Variants in GOLM2 observed in about 807,000 individuals in gnomAD.
GOLM2 encodes the protein golgi membrane protein 2, also known as protein GOLM2.
GOLM2 carries 26 observed loss-of-function variants against 55.9 expected under a neutral mutation model. The ratio of observed to expected loss-of-function variants is 0.47; its 90% CI spans 0.34 to 0.65. The LOEUF (loss-of-function observed/expected upper bound fraction) is 0.65. Ranked by LOEUF, GOLM2 falls within the 30% of genes least tolerant of loss-of-function variation. The pLI is 0.01. For synonymous variants in GOLM2, 165 were observed against 194.6 expected (o/e 0.85, Z 1.27); for missense variants, 486 against 531.8 (o/e 0.91, Z 0.85).
At chr15:44,409,103 C>G (rs2079617235) in intron 9 of GOLM2, among the ~76,000 whole-genome samples, 2 of 151,558 alleles carry the variant, frequency 1.3e-5, no homozygotes, top group African/African-American at 4.9e-5. Context: ...AGGTGAAACC[C>G]CATCTCTACT....
At chr15:44,338,171 C>G (rs2079069671) in intron 5 of GOLM2, 66 bp from the exon 6 acceptor site, 1 of 1,454,120 alleles carries the variant, frequency 6.9e-7, no homozygotes, top group Middle Eastern at 1.7e-4. Context: ...TTGTTACATT[C>G]CTTCAAAACA....
intron 6 of GOLM2, among the ~76,000 whole-genome samples, chr15:44,362,108 G>A (rs983109550): frequency 6.6e-6 from 1 of 150,798 alleles, no homozygotes; most frequent in Non-Finnish European, 1.5e-5. Flanking sequence ...GCAAAAACTG[G>A]AAGCATTCCC....
chr15:44,293,929 C>T (rs963785291), intron 1 of GOLM2, among the ~76,000 whole-genome samples: 2 of 152,130 alleles, frequency 1.3e-5, no homozygotes, highest in Non-Finnish European at 2.9e-5. Flanking sequence ...TGTCTCTTCT[C>T]CCTCATTTAT....
intron 6 of GOLM2, among the ~76,000 whole-genome samples, chr15:44,378,710 G>T (rs1010552190): frequency 2.0e-5 from 3 of 151,972 alleles, no homozygotes; most frequent in Admixed American, 6.6e-5. Flanking sequence ...ATATAAAAAG[G>T]TCTCACTGTT....
At chr15:44,294,356 T>C (rs953248510) in intron 1 of GOLM2, among the ~76,000 whole-genome samples, 1 of 152,006 alleles carries the variant, frequency 6.6e-6, no homozygotes, top group Non-Finnish European at 1.5e-5. Context: ...GGCTAGTGGA[T>C]TTCTTGAGGT....
Position 44,317,681 on chromosome 15 carries a change from G to A in GOLM2, c.328-5284G>A, listed in dbSNP as rs557799554. On this transcript the variant is annotated intron_variant, in intron 1 of 9. Transcript: ENST00000299957. ...GTGAATGGCTCTCTGGTCGTCGCCC[G>A]AGCTCCATATGTCCAACTGCCTACT... Among the ~76,000 whole-genome samples the A allele has an allele frequency of 1.7e-3, 253 of 152,092 alleles. 1 individual carries two copies. Among genetic ancestry groups the A allele is most frequent in the African/African-American group, 5.9e-3 (245 of 41,506 alleles).
chr15:44,325,179 T>C (rs2078973412), intron 2 of GOLM2, among the ~76,000 whole-genome samples: 1 of 152,206 alleles, frequency 6.6e-6, no homozygotes, highest in Non-Finnish European at 1.5e-5. Context: ...CTCTTTCTTC[T>C]TTGTTTTGCT....
chr15:44,375,297 G>C (rs1289381933), intron 6 of GOLM2, among the ~76,000 whole-genome samples: 2 of 152,114 alleles, frequency 1.3e-5, no homozygotes, highest in Admixed American at 6.5e-5. Context: ...GAGATTACAC[G>C]CATGAGCCAC....
chr15:44,393,582 A>G (rs1052130030), intron 8 of GOLM2, among the ~76,000 whole-genome samples: 2 of 152,174 alleles, frequency 1.3e-5, no homozygotes, highest in African/African-American at 2.4e-5. Flanking sequence ...GACTTCCACT[A>G]TCAGATATGA....
chr15:44,363,013 C>G (rs1005720492), intron 6 of GOLM2, among the ~76,000 whole-genome samples: 2 of 152,144 alleles, frequency 1.3e-5, no homozygotes, highest in Non-Finnish European at 2.9e-5. Context: ...AAGCTGGATC[C>G]CTTCCTTACA....
In GOLM2 at chr15:44,317,587, G is replaced by GT. The variant is rs200975244; in HGVS notation, c.328-5370dup. On this transcript the variant is annotated intron_variant, in intron 1 of 9. Coordinates refer to ENST00000299957, the MANE Select transcript of GOLM2 (RefSeq NM_138423.4). ...CAAATACTGTAGTTGTTGGTGTCAG[G>GT]TTTTTTTTGCTTCCCCTGTAGCTTT... Among the ~76,000 whole-genome samples, 664 of 151,824 alleles carry GT rather than the reference G, an allele frequency of 4.4e-3. 6 individuals carry two copies. Among genetic ancestry groups the GT allele is most frequent in the African/African-American group, 0.015 (639 of 41,372 alleles).
chr15:44,377,006 A>G (rs1379454758), intron 6 of GOLM2, among the ~76,000 whole-genome samples: 1 of 152,238 alleles, frequency 6.6e-6, no homozygotes, highest in African/African-American at 2.4e-5. Flanking sequence ...TTTACAGGAT[A>G]CACACTGCTT....
chr15:44,367,842 C>G (rs908396266), intron 6 of GOLM2, among the ~76,000 whole-genome samples: 1 of 149,134 alleles, frequency 6.7e-6, no homozygotes, highest in African/African-American at 2.4e-5. Flanking sequence ...TTCATTGTTT[C>G]TAAGTCAGCC....
Position 44,289,356 on chromosome 15 carries a change from G to C in GOLM2, c.327G>C (p.Lys109Asn). 1 of 1,609,666 alleles carries C rather than the reference G, an allele frequency of 6.2e-7. No individual in the cohort carries two copies. The change falls in exon 1 of 10, where the codon AAG becomes AAC. Residue 109 changes from lysine to asparagine, a missense_variant and splice_region_variant. Lys to Asn is a moderately conservative substitution (Grantham distance 94). Transcript: ENST00000299957. This position sits in a 1 kb window ranked among gnomAD's most constrained non-coding sequence, Gnocchi z 4.8. ...TCGGGAAGAGATGCGAGGATGACAA[G>C]GTAAGGACGACCCTTTTCTCTTCAA... Reference protein sequence around the residue: ...EGLGKRCEDDKVKLQNNISYQ... With the variant: ...EGLGKRCEDDNVKLQNNISYQ...
At chr15:44,392,761 T>G (rs1288500077) in intron 8 of GOLM2, among the ~76,000 whole-genome samples, 1 of 152,184 alleles carries the variant, frequency 6.6e-6, no homozygotes, top group Non-Finnish European at 1.5e-5. Context: ...TCTATGTAAT[T>G]TACCACATTA....
intron 6 of GOLM2, 52 bp from the exon 7 acceptor site, chr15:44,379,638 T>TTA: frequency 5.6e-6 from 4 of 710,018 alleles, no homozygotes; most frequent in South Asian, 1.9e-5. Context: ...TTTTTTTTTT[T>TTA]AGAAATCATA....
At chr15:44,363,503 C>G (rs1000325430) in intron 6 of GOLM2, among the ~76,000 whole-genome samples, 1 of 152,224 alleles carries the variant, frequency 6.6e-6, no homozygotes, top group Non-Finnish European at 1.5e-5. Context: ...GATATCATCT[C>G]ACACCAGTTA....
chr15:44,329,735 GA>G (rs905183803), intron 3 of GOLM2, among the ~76,000 whole-genome samples: 3 of 151,564 alleles, frequency 2.0e-5, no homozygotes, highest in East Asian at 1.9e-4. Context: ...CTCTGTCTCT[GA>G]AAAAAATTTT....
At chr15:44,400,030 T>A (rs1472757421) in intron 8 of GOLM2, among the ~76,000 whole-genome samples, 1 of 151,984 alleles carries the variant, frequency 6.6e-6, no homozygotes, top group East Asian at 1.9e-4. Flanking sequence ...CTCTTTTTAC[T>A]GCCTATATTG....
Sources: gnomAD v4.1 joint callset for allele counts (sites outside exome capture counted in the v4.1 genomes callset) on GRCh38, gnomAD v4.1.1 for gene constraint, Gnocchi (gnomAD v3.1) non-coding constraint, MANE v1.5 for transcripts, NCBI Gene and HGNC (gene_info 2026-07-23, HGNC 2026-07-21) for gene names.